Variants in FNIP2 observed in about 807,000 individuals in gnomAD.
FNIP2 encodes folliculin-interacting protein 2.
A neutral mutation model predicts 108.7 loss-of-function variants in FNIP2; 32 were observed. That is an observed-to-expected ratio of 0.29 (90% CI 0.22 to 0.40). The LOEUF is 0.40. Ranked by LOEUF, FNIP2 falls within the 10% of genes least tolerant of loss-of-function variation. FNIP2 has a pLI of 1.00. For synonymous variants in FNIP2, 480 were observed against 496.7 expected (o/e 0.97, Z 0.45); for missense variants, 1,202 against 1,381.6 (o/e 0.87, Z 2.06).
intron 1 of FNIP2, among the ~76,000 whole-genome samples, chr4:158,789,823 G>C (rs1445243500): frequency 4.6e-5 from 1 of 21,640 alleles, no homozygotes; most frequent in Non-Finnish European, 2.0e-4. Flanking sequence ...AAGGGTTGTG[G>C]TAGCCTGGCA....
chr4:158,856,257 C>G (rs1171491708), intron 8 of FNIP2, among the ~76,000 whole-genome samples: 11 of 152,112 alleles, frequency 7.2e-5, no homozygotes, highest in Non-Finnish European at 1.6e-4. Flanking sequence ...CTTTGACCTA[C>G]AAAACATTAA....
chr4:158,859,384 A>G (rs1780160652), intron 9 of FNIP2, 126 bp downstream of exon 9: 1 of 1,162,422 alleles, frequency 8.6e-7, no homozygotes. Context: ...GCAGTGATAA[A>G]TTTTAGGCAT....
At chr4:158,849,859 C>T (rs1316029624) in intron 7 of FNIP2, among the ~76,000 whole-genome samples, 3 of 150,888 alleles carry the variant, frequency 2.0e-5, no homozygotes, top group Admixed American at 2.0e-4. Flanking sequence ...CTACTGTGGT[C>T]AAGGCACCGT....
intron 1 of FNIP2, among the ~76,000 whole-genome samples, chr4:158,823,534 G>A (rs1778000691): frequency 6.6e-6 from 1 of 152,150 alleles, no homozygotes; most frequent in South Asian, 2.1e-4. Flanking sequence ...CCTCGGCCTT[G>A]TGTAATTTTA....
At chr4:158,862,453 G>T (rs1270031018) in intron 12 of FNIP2, among the ~76,000 whole-genome samples, 1 of 152,208 alleles carries the variant, frequency 6.6e-6, no homozygotes, top group East Asian at 1.9e-4. Context: ...GGGGTAAAAG[G>T]CGTGTTCTAA....
rs757758107 is a variant in FNIP2, at chr4:158,792,349, TC to T, written c.107+23032del. Among the ~76,000 whole-genome samples, 302 of 151,688 alleles carry T rather than the reference TC, an allele frequency of 2.0e-3. 1 individual carries two copies. Among genetic ancestry groups the T allele is most frequent in the Non-Finnish European group, 3.4e-3 (231 of 67,926 alleles). ...GTGTCAGCTCTTCTATAAACAAGTG[TC>T]CTTTTCACAGTGAATTTAGTGCTTT... On this transcript the variant is annotated intron_variant, in intron 1 of 16. Transcript: ENST00000264433.
Position 158,907,015 on chromosome 4 carries a change from A to G in FNIP2, c.*2471A>G, listed in dbSNP as rs1372457691. 1.3e-5 allele frequency: 2 copies of G among 152,234 alleles called. No individual in the cohort carries two copies. Among genetic ancestry groups the G allele is most frequent in the African/African-American group, 4.8e-5 (2 of 41,464 alleles). 9.4% of individuals were successfully genotyped at this position (152,234 alleles called of 1,614,324 possible). Reference sequence around the variant, plus strand: ...AGGATTCCACCTTTAGGGTTTCTTCAACTTTTAAGTCTTACCTGTTGAGTG... The same window carrying G: ...AGGATTCCACCTTTAGGGTTTCTTCGACTTTTAAGTCTTACCTGTTGAGTG... On this transcript the variant is annotated 3_prime_UTR_variant, in exon 17 of 17. Transcript: ENST00000264433.
At chr4:158,892,903 G>A (rs1560837933) in intron 15 of FNIP2, among the ~76,000 whole-genome samples, 1 of 152,140 alleles carries the variant, frequency 6.6e-6, no homozygotes, top group African/African-American at 2.4e-5. Context: ...TCATTGTCCT[G>A]GGTTTTTATG....
chr4:158,895,275 A>G (rs1782570519), intron 15 of FNIP2, among the ~76,000 whole-genome samples: 1 of 152,248 alleles, frequency 6.6e-6, no homozygotes. Flanking sequence ...GTACTGGGCC[A>G]GAATAATCTG....
intron 14 of FNIP2, among the ~76,000 whole-genome samples, chr4:158,874,702 G>A (rs1445496009): frequency 6.6e-6 from 1 of 151,692 alleles, no homozygotes; most frequent in Non-Finnish European, 1.5e-5. Flanking sequence ...AAATGATACA[G>A]CAATATATCA....
intron 12 of FNIP2, among the ~76,000 whole-genome samples, chr4:158,864,065 G>A (rs950874470): frequency 4.6e-5 from 7 of 151,918 alleles, no homozygotes; most frequent in South Asian, 2.1e-4. Context: ...ACAGAGTCTC[G>A]CTCTGTCACC....
At chr4:158,885,233 A>G (rs1366852498) in intron 14 of FNIP2, among the ~76,000 whole-genome samples, 2 of 152,058 alleles carry the variant, frequency 1.3e-5, no homozygotes, top group African/African-American at 2.4e-5. Context: ...CCATGATCCA[A>G]ACTCCTCCTA....
At chr4:158,883,765 T>C (rs190523351) in intron 14 of FNIP2, among the ~76,000 whole-genome samples, 92 of 152,236 alleles carry the variant, frequency 6.0e-4, no homozygotes, top group Non-Finnish European at 1.0e-3. Flanking sequence ...ATGATAGAAG[T>C]GGCTGTGTTT....
At chr4:158,771,770 T>G (rs1349647147) in intron 1 of FNIP2, among the ~76,000 whole-genome samples, 1 of 152,224 alleles carries the variant, frequency 6.6e-6, no homozygotes, top group South Asian at 2.1e-4. Context: ...TTTGTTTGTT[T>G]TAGAGTTTGT....
chr4:158,897,826 G>A (rs1490045146), intron 16 of FNIP2, among the ~76,000 whole-genome samples: 5 of 152,158 alleles, frequency 3.3e-5, no homozygotes, highest in African/African-American at 4.8e-5. Flanking sequence ...TTGCTGTGAA[G>A]AAACTCTTTA....
At chr4:158,806,185 A>G in intron 1 of FNIP2, 7 of 1,261,544 alleles carry the variant, frequency 5.5e-6, no homozygotes, top group Non-Finnish European at 7.2e-6. Flanking sequence ...GAACTTCAGG[A>G]TTTGTCTCCA....
chr4:158,848,220 C>T (rs1779511517), intron 7 of FNIP2, among the ~76,000 whole-genome samples: 1 of 152,228 alleles, frequency 6.6e-6, no homozygotes. Context: ...TGCCCCAATA[C>T]AGTCTCAATG....
At chr4:158,857,327 CT>C (rs1299059864) in intron 8 of FNIP2, among the ~76,000 whole-genome samples, 1 of 152,168 alleles carries the variant, frequency 6.6e-6, no homozygotes, top group Non-Finnish European at 1.5e-5. Flanking sequence ...CAGAAATCAA[CT>C]ACTGTAGTGC....
intron 7 of FNIP2, among the ~76,000 whole-genome samples, chr4:158,847,268 G>A (rs570736791): frequency 1.3e-5 from 2 of 152,234 alleles, no homozygotes; most frequent in South Asian, 2.1e-4. Flanking sequence ...TACACCAGCC[G>A]GGGCAACTAA....
Sources: gnomAD v4.1 joint callset for allele counts (sites outside exome capture counted in the v4.1 genomes callset) on GRCh38, gnomAD v4.1.1 for gene constraint, MANE v1.5 for transcripts, NCBI Gene and HGNC (gene_info 2026-07-23, HGNC 2026-07-21) for gene names.